Variants in GPRC6A observed in about 807,000 individuals in gnomAD.
GPRC6A encodes G protein-coupled receptor class C group 6 member A.
Under a neutral mutation model 47.0 loss-of-function variants are expected in GPRC6A, and 54 were observed. The ratio of observed to expected loss-of-function variants is 1.15; its 90% CI spans 0.92 to 1.44. GPRC6A has a LOEUF of 1.44. Ranked by LOEUF, GPRC6A falls within the 40% of genes most tolerant of loss-of-function variation. The pLI, the probability that GPRC6A is intolerant of heterozygous loss-of-function variation, is 0.00. For synonymous variants in GPRC6A, 347 were observed against 377.1 expected, an observed-to-expected ratio of 0.92 and a Z score of 0.93; for missense variants, 1,112 against 1,105.5, an observed-to-expected ratio of 1.01 and a Z score of -0.08.
intron 1 of GPRC6A, among the ~76,000 whole-genome samples, chr6:116,825,633 A>G (rs1441802965): frequency 1.3e-5 from 2 of 151,970 alleles, no homozygotes; most frequent in African/African-American, 4.8e-5. Flanking sequence ...TAAAATGACC[A>G]TAATACCCAA....
intron 1 of GPRC6A, among the ~76,000 whole-genome samples, chr6:116,825,169 G>A (rs1015790574): frequency 1.3e-5 from 2 of 151,936 alleles, no homozygotes; most frequent in African/African-American, 2.4e-5. Flanking sequence ...TCTCTAAGAA[G>A]TGGAGCAAGA....
chr6:116,797,653 C>T (rs1772533407), intron 4 of GPRC6A, among the ~76,000 whole-genome samples: 1 of 152,200 alleles, frequency 6.6e-6, no homozygotes, highest in South Asian at 2.1e-4. Flanking sequence ...GTCACCTTCT[C>T]TTCATTAAGT....
rs141584907 is a variant in GPRC6A at position 116,802,108 on chromosome 6, A to G, written c.1336-1312T>C. ...TTCTACCTCTTTTTTCCTGTGCTTAATTAGGCTTTATAGGCTAAAGTTCTC... is the reference window on the plus strand; with the variant it reads ...TTCTACCTCTTTTTTCCTGTGCTTAGTTAGGCTTTATAGGCTAAAGTTCTC... On this transcript the variant is annotated intron_variant, in intron 3 of 5. Transcript: ENST00000310357. 5.3e-4 allele frequency among the ~76,000 whole-genome samples: 81 copies of G among 152,254 alleles called. No individual in the cohort carries two copies. The East Asian group carries it at 0.014, about 26-fold the overall frequency.
At chr6:116,794,765 A>C (rs1013962754) in intron 5 of GPRC6A, among the ~76,000 whole-genome samples, 1 of 152,186 alleles carries the variant, frequency 6.6e-6, no homozygotes, top group East Asian at 1.9e-4. Flanking sequence ...ATTATTAAAC[A>C]TACCAAGGAA....
chr6:116,817,481 T>C (rs1773264767), intron 1 of GPRC6A, among the ~76,000 whole-genome samples: 1 of 151,936 alleles, frequency 6.6e-6, no homozygotes, highest in Non-Finnish European at 1.5e-5. Context: ...GCAGAGCACC[T>C]CTCCTCCTCC....
At chr6:116,821,683 T>G (rs1212402401) in intron 1 of GPRC6A, among the ~76,000 whole-genome samples, 1 of 152,050 alleles carries the variant, frequency 6.6e-6, no homozygotes, top group African/African-American at 2.4e-5. Context: ...CTGGATCCCT[T>G]CCTTACACCT....
At chr6:116,815,055 C>A (rs769347710) in intron 1 of GPRC6A, among the ~76,000 whole-genome samples, 6 of 152,118 alleles carry the variant, frequency 3.9e-5, no homozygotes, top group Non-Finnish European at 7.4e-5. Context: ...GCAACCAACA[C>A]TGAAGCACCC....
rs182861810 is a variant in GPRC6A at position 116,805,282 on chromosome 6, C to A, written c.1335+1088G>T. ...GTTTAAAAGTGAGCAATTTAAAATA[C>A]CCTCCCACCATTGCATGATCCTCCC... On this transcript the variant is annotated intron_variant, in intron 3 of 5. Transcript: ENST00000310357. Among the ~76,000 whole-genome samples the A allele has an allele frequency of 5.5e-3, 836 of 151,816 alleles. 12 individuals carry two copies. Among genetic ancestry groups the A allele is most frequent in the African/African-American group, 0.019 (786 of 41,454 alleles).
chr6:116,828,131 G>A (rs1213782331), intron 1 of GPRC6A, among the ~76,000 whole-genome samples: 1 of 151,988 alleles, frequency 6.6e-6, no homozygotes, highest in East Asian at 1.9e-4. Context: ...ATCTACCTAA[G>A]TTTACAAAAT....
chr6:116,821,710 C>A lies in GPRC6A; in HGVS notation c.194+7110G>T, dbSNP rs1773487869. 9.9e-5 allele frequency among the ~76,000 whole-genome samples: 15 copies of A among 152,022 alleles called. No individual in the cohort carries two copies. In the South Asian group the frequency reaches 3.1e-3, roughly 31 times the overall value. ...CTTACACCTTAGACAAAAATCAATTCAACATGGATTAAAGACTTAAACGTT... is the reference window on the plus strand; with the variant it reads ...CTTACACCTTAGACAAAAATCAATTAAACATGGATTAAAGACTTAAACGTT... On this transcript the variant is annotated intron_variant, in intron 1 of 5. Transcript: ENST00000310357.
At position 116,806,636 on chromosome 6, in the gene GPRC6A, AT is replaced by A. The variant is rs761872188; in HGVS notation, c.1068del (p.Glu356AspfsTer17). The A allele has an allele frequency of 6.8e-6, 11 of 1,613,528 alleles. No individual in the cohort carries two copies. The highest frequency in any genetic ancestry group is 5.1e-6 in the Non-Finnish European group (6 of 1,179,702). On this transcript the variant is annotated frameshift_variant, in exon 3 of 6. Coordinates refer to ENST00000310357, the MANE Select transcript of GPRC6A (RefSeq NM_148963.4). LOFTEE classifies it high-confidence loss of function. ...GCGCAGGCAGATAAATGCATGGCAT[AT>A]TCATGTAAGAGTTTGTGACTGTCAC... is the stretch of plus-strand genomic sequence containing the variant. ...LPSDSHKLLHEYAMHLSACAY... is the reference protein window; with the variant it reads ...LPSDSHKLLHXYAMHLSACAY...
Position 116,807,207 on chromosome 6 carries a change from C to A in GPRC6A, c.499-1G>T, listed in dbSNP as rs377035978. ...TTTCTGCAGTTGATTCATAACCCAC[C>A]TGGAAATAGACAGAATATTTTAGTT... is the stretch of plus-strand genomic sequence containing the variant. On this transcript the variant is annotated splice_acceptor_variant, in intron 2 of 5. Coordinates refer to ENST00000310357, the MANE Select transcript of GPRC6A (RefSeq NM_148963.4). LOFTEE classifies it high-confidence loss of function. 1.0e-5 allele frequency: 16 copies of A among 1,582,900 alleles called. No homozygotes were observed. Among genetic ancestry groups the A allele is most frequent in the Non-Finnish European group, 1.4e-5 (16 of 1,154,312 alleles).
At chr6:116,817,462 C>A (rs1773263765) in intron 1 of GPRC6A, among the ~76,000 whole-genome samples, 2 of 151,946 alleles carry the variant, frequency 1.3e-5, no homozygotes, top group African/African-American at 4.8e-5. Flanking sequence ...AAACTGGAAA[C>A]TCTAAAAAGC....
At chr6:116,816,897 A>G (rs575216497) in intron 1 of GPRC6A, among the ~76,000 whole-genome samples, 87 of 151,586 alleles carry the variant, frequency 5.7e-4, no homozygotes, top group Non-Finnish European at 1.0e-3. Context: ...CGCCCACGGA[A>G]TCTCACTGAT....
chr6:116,823,892 A>G (rs1014451840), intron 1 of GPRC6A, among the ~76,000 whole-genome samples: 3 of 152,092 alleles, frequency 2.0e-5, no homozygotes, highest in Non-Finnish European at 4.4e-5. Flanking sequence ...ACACTTTTAA[A>G]CAACCAGATC....
chr6:116,822,891 TAAAAAAAAA>T (rs757893318), intron 1 of GPRC6A, among the ~76,000 whole-genome samples: 1 of 117,516 alleles, frequency 8.5e-6, no homozygotes, highest in African/African-American at 3.2e-5. Context: ...TACTAGTCTC[TAAAAAAAAA>T]AAAAAAAAAG....
intron 1 of GPRC6A, among the ~76,000 whole-genome samples, chr6:116,814,880 G>A (rs569208633): frequency 1.3e-5 from 2 of 152,186 alleles, no homozygotes; most frequent in South Asian, 4.2e-4. Flanking sequence ...TAAAGGGATA[G>A]AAAAAGATAT....
chr6:116,808,455 CTTTT>C (rs1445064762), intron 2 of GPRC6A, among the ~76,000 whole-genome samples: 1 of 151,982 alleles, frequency 6.6e-6, no homozygotes, highest in Non-Finnish European at 1.5e-5. Context: ...ATAAATAGTT[CTTTT>C]TGTTTAATCG....
rs1480458296 is a variant in GPRC6A at position 116,809,367 on chromosome 6, A to G, written c.445T>C (p.Ser149Pro). The G allele has an allele frequency of 2.5e-6, 4 of 1,613,442 alleles. No homozygotes were observed. Among genetic ancestry groups the G allele is most frequent in the African/African-American group, 1.3e-5 (1 of 74,896 alleles). Residue 149 changes from serine to proline, a missense_variant, in exon 2 of 6, where the codon TCA (serine) becomes CCA (proline). Coordinates refer to ENST00000310357, the MANE Select transcript of GPRC6A (RefSeq NM_148963.4). Reference protein sequence around the residue: ...RVKAVIGSGYSEITMAVSRML... With the variant: ...RVKAVIGSGYPEITMAVSRML... ...CTGGAGACAGCCATAGTTATTTCTG[A>G]GTACCCAGAACCTATGACAGCCTTA...
Sources: gnomAD v4.1 joint callset for allele counts (sites outside exome capture counted in the v4.1 genomes callset) on GRCh38, gnomAD v4.1.1 for gene constraint, MANE v1.5 for transcripts, NCBI Gene and HGNC (gene_info 2026-07-23, HGNC 2026-07-21) for gene names.